Variants in SRBD1 observed in about 807,000 individuals in gnomAD.
The protein encoded by SRBD1 is S1 RNA-binding domain-containing protein 1.
A neutral mutation model predicts 115.3 loss-of-function variants in SRBD1; 88 were observed. That is an observed-to-expected ratio of 0.76 (90% CI 0.64 to 0.91). The LOEUF (loss-of-function observed/expected upper bound fraction) is 0.91, where lower values mean the gene tolerates loss of function less well. Ranked by LOEUF, SRBD1 falls within the 40% of genes least tolerant of loss-of-function variation. The pLI is 0.00. For synonymous variants in SRBD1, 509 were observed against 407.7 expected, an observed-to-expected ratio of 1.25 and a Z score of -2.99; for missense variants, 1,385 against 1,177.4, an observed-to-expected ratio of 1.18 and a Z score of -2.58.
At chr2:45,608,181 A>G (rs377362862) in intron 1 of SRBD1, among the ~76,000 whole-genome samples, 20 of 152,344 alleles carry the variant, frequency 1.3e-4, no homozygotes, top group African/African-American at 4.8e-4. Flanking sequence ...ATCCTTAAAG[A>G]AGGCTCCCCT....
chr2:45,456,022 G>T (rs930070364), intron 16 of SRBD1, among the ~76,000 whole-genome samples: 25 of 151,092 alleles, frequency 1.7e-4, no homozygotes, highest in Non-Finnish European at 3.5e-4. Flanking sequence ...AGAGTTCTGT[G>T]AACCAGAAAA....
chr2:45,477,884 A>G (rs1196102551), intron 15 of SRBD1, among the ~76,000 whole-genome samples: 1 of 151,860 alleles, frequency 6.6e-6, no homozygotes, highest in Admixed American at 6.6e-5. Flanking sequence ...GACCATTACA[A>G]TCCATGCTCA....
rs78197446 is a variant in SRBD1 at position 45,547,901 on chromosome 2, A to T, written c.1676-289T>A. Among the ~76,000 whole-genome samples the T allele has an allele frequency of 4.5e-3, 693 of 152,366 alleles. 4 individuals carry two copies. The highest frequency in any genetic ancestry group is 6.7e-3 in the Non-Finnish European group (459 of 68,026). ...CTAACATCTAACATTAATAGTAGCA[A>T]AAGCAAACACTAACTGAATTGTTAG... On this transcript the variant is annotated intron_variant, in intron 12 of 20. Coordinates refer to ENST00000263736, the MANE Select transcript of SRBD1 (RefSeq NM_018079.5).
chr2:45,570,261 C>A (rs759507850), intron 9 of SRBD1, among the ~76,000 whole-genome samples: 2 of 152,214 alleles, frequency 1.3e-5, no homozygotes, highest in African/African-American at 2.4e-5. Flanking sequence ...GGCAAAAGGA[C>A]CAAGGGCAAG....
chr2:45,509,299 A>G (rs979106358), intron 14 of SRBD1, among the ~76,000 whole-genome samples: 1 of 152,154 alleles, frequency 6.6e-6, no homozygotes, highest in African/African-American at 2.4e-5. Context: ...TTTACGTATT[A>G]GAAACACACA....
chr2:45,515,508 G>C (rs1371964795), intron 14 of SRBD1, among the ~76,000 whole-genome samples: 1 of 152,064 alleles, frequency 6.6e-6, no homozygotes, highest in Non-Finnish European at 1.5e-5. Context: ...CTGAAGCTCA[G>C]AAAGATTCAA....
At chr2:45,593,226 T>C (rs1673779838) in intron 4 of SRBD1, among the ~76,000 whole-genome samples, 1 of 152,184 alleles carries the variant, frequency 6.6e-6, no homozygotes, top group Non-Finnish European at 1.5e-5. Flanking sequence ...TCATTTAAAC[T>C]ATATGAGAAA....
At chr2:45,598,707 T>A (rs1249960489) in intron 4 of SRBD1, among the ~76,000 whole-genome samples, 1 of 151,884 alleles carries the variant, frequency 6.6e-6, no homozygotes, top group Admixed American at 6.6e-5. Flanking sequence ...AGAAGTGGAA[T>A]CAGGATCCAG....
At chr2:45,512,566 C>T (rs892021411) in intron 14 of SRBD1, among the ~76,000 whole-genome samples, 1 of 152,174 alleles carries the variant, frequency 6.6e-6, no homozygotes, top group Non-Finnish European at 1.5e-5. Flanking sequence ...TCTACTATTT[C>T]CATGTGACAA....
chr2:45,456,345 G>A (rs1669152234), intron 16 of SRBD1, among the ~76,000 whole-genome samples: 1 of 151,894 alleles, frequency 6.6e-6, no homozygotes, highest in Non-Finnish European at 1.5e-5. Context: ...AATCAGACAG[G>A]ATGGCCTGCT....
intron 16 of SRBD1, chr2:45,447,279 A>T (rs898191188): frequency 1.3e-5 from 2 of 152,054 alleles, no homozygotes; most frequent in African/African-American, 4.8e-5. Context: ...TGAAACCCCG[A>T]CTCTAATAAG....
At chr2:45,610,673 G>A (rs984876136) in intron 1 of SRBD1, among the ~76,000 whole-genome samples, 1 of 152,162 alleles carries the variant, frequency 6.6e-6, no homozygotes, top group African/African-American at 2.4e-5. Context: ...CATGCCAGGC[G>A]CACTACAGAA....
At chr2:45,410,582 T>A (rs974739063) in intron 19 of SRBD1, among the ~76,000 whole-genome samples, 6 of 152,174 alleles carry the variant, frequency 3.9e-5, no homozygotes, top group Non-Finnish European at 4.4e-5. Flanking sequence ...GATAAGAGTG[T>A]CTTTTGTATG....
intron 14 of SRBD1, among the ~76,000 whole-genome samples, chr2:45,539,796 C>A (rs562528890): frequency 6.6e-6 from 1 of 152,036 alleles, no homozygotes; most frequent in South Asian, 2.1e-4. Flanking sequence ...CAAAGTTCCA[C>A]CAAAATAAAA....
chr2:45,494,980 G>A (rs1006972083), intron 14 of SRBD1, among the ~76,000 whole-genome samples: 1 of 151,958 alleles, frequency 6.6e-6, no homozygotes, highest in Non-Finnish European at 1.5e-5. Flanking sequence ...TTTCCACAGA[G>A]AACAACTCTA....
At chr2:45,454,093 G>T (rs73925667) in intron 16 of SRBD1, among the ~76,000 whole-genome samples, 1,619 of 152,012 alleles carry the variant, frequency 0.011, 26 homozygotes, top group African/African-American at 0.03. Flanking sequence ...TATCTAGCAG[G>T]ATCTATTAGC....
chr2:45,391,230 G>A (rs1666989631), intron 20 of SRBD1, among the ~76,000 whole-genome samples: 1 of 152,126 alleles, frequency 6.6e-6, no homozygotes, highest in African/African-American at 2.4e-5. Flanking sequence ...AATCCTCTGT[G>A]TACCATGCAA....
chr2:45,451,543 T>A (rs10189977), intron 16 of SRBD1, among the ~76,000 whole-genome samples: 15,072 of 152,014 alleles, frequency 0.099, 1,110 homozygotes, highest in African/African-American at 0.2. Flanking sequence ...ATCACTTTTC[T>A]TTGAGAAAAT....
intron 20 of SRBD1, among the ~76,000 whole-genome samples, chr2:45,392,538 A>G (rs533888652): frequency 1.4e-3 from 214 of 152,356 alleles, no homozygotes; most frequent in Non-Finnish European, 2.5e-3. Context: ...CACAGAATCC[A>G]AGAACTTGGA....
Sources: gnomAD v4.1 joint callset for allele counts (sites outside exome capture counted in the v4.1 genomes callset) on GRCh38, gnomAD v4.1.1 for gene constraint, MANE v1.5 for transcripts, NCBI Gene and HGNC (gene_info 2026-07-23, HGNC 2026-07-21) for gene names.